COL19A1: variants seen among roughly 807,000 people sequenced by gnomAD.
COL19A1 encodes collagen type XIX alpha 1 chain.
A neutral mutation model predicts 190.2 loss-of-function variants in COL19A1; 159 were observed. That is an observed-to-expected ratio of 0.84 (90% CI 0.73 to 0.95). COL19A1 has a LOEUF of 0.95. Among genes scored for constraint, COL19A1 ranks in the 40% least tolerant of loss-of-function variants. COL19A1 has a pLI of 0.00. For synonymous variants in COL19A1, 509 were observed against 458.9 expected (o/e 1.11, Z -1.39); for missense variants, 1,418 against 1,431.9 (o/e 0.99, Z 0.16).
intron 4 of COL19A1, among the ~76,000 whole-genome samples, chr6:69,905,406 C>T (rs949175606): frequency 6.6e-6 from 1 of 152,200 alleles, no homozygotes; most frequent in African/African-American, 2.4e-5. Flanking sequence ...ATGGACAGCT[C>T]TCCCTTCAGG....
chr6:69,896,118 A>T (rs978869927), intron 2 of COL19A1, among the ~76,000 whole-genome samples: 1 of 151,894 alleles, frequency 6.6e-6, no homozygotes, highest in Admixed American at 6.6e-5. Flanking sequence ...CCACATCCTC[A>T]TCAACGCTTG....
rs9454948 is a variant in COL19A1, at chr6:70,036,086, A to G, written c.1170+147A>G. The stretch of plus-strand genomic sequence containing the variant: ...ACATGTAGTCAAACCTCCACATTTT[A>G]AAGATGGGGCATCTGCCCACAACAG... On this transcript the variant is annotated intron_variant, in intron 14 of 50. Transcript: ENST00000620364. 0.011 allele frequency: 7,716 copies of G among 718,268 alleles called. 414 individuals carry two copies. In the African/African-American group the frequency reaches 0.12, roughly 11 times the overall value. 44.5% of individuals were successfully genotyped at this position (718,268 alleles called of 1,614,324 possible). A position where few individuals can be genotyped will look rare whatever the true frequency, so the allele number is the denominator to read the frequency against.
intron 11 of COL19A1, among the ~76,000 whole-genome samples, chr6:69,978,711 A>G (rs1029409781): frequency 1.3e-5 from 2 of 151,704 alleles, no homozygotes; most frequent in Non-Finnish European, 2.9e-5. Flanking sequence ...AAAATAGTAG[A>G]TGGGAATTAA....
intron 4 of COL19A1, among the ~76,000 whole-genome samples, chr6:69,921,783 T>C (rs1268496677): frequency 6.6e-6 from 1 of 150,532 alleles, no homozygotes; most frequent in East Asian, 1.9e-4. Flanking sequence ...TGTATATTCG[T>C]ATGTAGATTC....
chr6:70,175,820 G>C (rs1323579170), intron 41 of COL19A1, among the ~76,000 whole-genome samples: 1 of 152,096 alleles, frequency 6.6e-6, no homozygotes, highest in African/African-American at 2.4e-5. Context: ...ACATTGTCTT[G>C]CTCTCCAAGA....
chr6:70,126,825 C>T (rs1437908257), intron 17 of COL19A1, among the ~76,000 whole-genome samples: 1 of 152,182 alleles, frequency 6.6e-6, no homozygotes, highest in Non-Finnish European at 1.5e-5. Context: ...GGTCTCTCTC[C>T]TAGCCTCTGG....
chr6:70,103,774 G>A (rs1013597661), intron 16 of COL19A1, among the ~76,000 whole-genome samples: 2 of 152,086 alleles, frequency 1.3e-5, no homozygotes, highest in Admixed American at 6.6e-5. Flanking sequence ...GGACAGACAC[G>A]GCATGTTACT....
At chr6:69,870,182 A>T (rs1293298399) in intron 1 of COL19A1, among the ~76,000 whole-genome samples, 5 of 152,218 alleles carry the variant, frequency 3.3e-5, no homozygotes, top group Non-Finnish European at 7.3e-5. Context: ...GTATTGCCTT[A>T]GACTGTATCA....
chr6:70,191,373 A>T (rs1258829945), intron 48 of COL19A1, among the ~76,000 whole-genome samples: 1 of 152,090 alleles, frequency 6.6e-6, no homozygotes, highest in Admixed American at 6.5e-5. Flanking sequence ...ATTTGTGTTC[A>T]TATCTTGTTC....
At position 69,932,730 on chromosome 6, in the gene COL19A1, T is replaced by C. The variant is rs79852016; in HGVS notation, c.667-53T>C. The C allele has an allele frequency of 4.1e-3, 4,372 of 1,057,068 alleles. 144 individuals carry two copies. In the African/African-American group the frequency reaches 0.061, roughly 15 times the overall value. 65.5% of individuals were successfully genotyped at this position (1,057,068 alleles called of 1,614,324 possible). On this transcript the variant is annotated intron_variant, in intron 6 of 50. Coordinates refer to ENST00000620364, the MANE Select transcript of COL19A1 (RefSeq NM_001858.6). ...TAAATTACTGTAGTTCTTAACTGCC[T>C]GAATGTGATTCCAAAAAACTAAAGA...
intron 5 of COL19A1, among the ~76,000 whole-genome samples, chr6:69,928,727 T>C (rs1036430439): frequency 3.9e-5 from 6 of 152,066 alleles, no homozygotes; most frequent in African/African-American, 1.4e-4. Context: ...ATAGAAGAGA[T>C]GGCGTTTGGG....
chr6:70,007,317 A>G (rs1408526583), intron 11 of COL19A1, among the ~76,000 whole-genome samples: 1 of 152,120 alleles, frequency 6.6e-6, no homozygotes, highest in East Asian at 1.9e-4. Flanking sequence ...ATATCCAACT[A>G]TATACTATCT....
At chr6:69,917,510 A>G (rs4036075) in intron 4 of COL19A1, among the ~76,000 whole-genome samples, 46,324 of 152,072 alleles carry the variant, frequency 0.3, 8,633 homozygotes, top group African/African-American at 0.52. Context: ...CACAAGTCTT[A>G]CAGGACCCTG....
chr6:69,974,779 A>ATCT (rs1041663410), intron 11 of COL19A1, among the ~76,000 whole-genome samples: 31 of 136,700 alleles, frequency 2.3e-4, no homozygotes, highest in Non-Finnish European at 4.9e-4. Context: ...ATGACTGACC[A>ATCT]TCTTTTGGAG....
At chr6:70,081,045 A>G (rs1782216036) in intron 15 of COL19A1, among the ~76,000 whole-genome samples, 1 of 152,190 alleles carries the variant, frequency 6.6e-6, no homozygotes, top group Admixed American at 6.5e-5. Context: ...ATTTAATATC[A>G]AAAATGGTGC....
At chr6:70,111,062 G>T (rs755146607) in intron 16 of COL19A1, among the ~76,000 whole-genome samples, 4 of 152,086 alleles carry the variant, frequency 2.6e-5, no homozygotes, top group Non-Finnish European at 5.9e-5. Flanking sequence ...TTTTCAGAAC[G>T]GGATATTTGT....
chr6:70,170,738 C>T (rs756982837), intron 40 of COL19A1, among the ~76,000 whole-genome samples: 16 of 151,972 alleles, frequency 1.1e-4, no homozygotes, highest in Middle Eastern at 3.4e-3. Flanking sequence ...TATTAGGGGA[C>T]ATTTTAAAAG....
chr6:70,047,755 T>G (rs1285683241), intron 14 of COL19A1, among the ~76,000 whole-genome samples: 2 of 152,116 alleles, frequency 1.3e-5, no homozygotes, highest in African/African-American at 4.8e-5. Flanking sequence ...ATAATCCTGT[T>G]TTTACAGTAA....
intron 17 of COL19A1, among the ~76,000 whole-genome samples, chr6:70,126,152 C>CAAA (rs5877240): frequency 7.1e-6 from 1 of 140,922 alleles, no homozygotes; most frequent in African/African-American, 2.6e-5. Flanking sequence ...ATTATTGATC[C>CAAA]AAAAAAAAAA....
Sources: gnomAD v4.1 joint callset for allele counts (sites outside exome capture counted in the v4.1 genomes callset) on GRCh38, gnomAD v4.1.1 for gene constraint, MANE v1.5 for transcripts, NCBI Gene and HGNC (gene_info 2026-07-23, HGNC 2026-07-21) for gene names.